The following LATS2 variants were observed in gnomAD, a reference collection of about 807,000 sequenced individuals.
LATS2 encodes the protein serine/threonine-protein kinase LATS2.
A neutral mutation model predicts 76.0 loss-of-function variants in LATS2; 24 were observed. The ratio of observed to expected loss-of-function variants is 0.32; its 90% CI spans 0.23 to 0.44. The LOEUF is 0.44. Ranked by LOEUF, LATS2 falls within the 20% of genes least tolerant of loss-of-function variation. The pLI is 1.00. For missense variants in LATS2, 1,286 were observed against 1,481.2 expected (o/e 0.87, Z 2.16); for synonymous variants, 692 against 635.4 (o/e 1.09, Z -1.34).
intron 4 of LATS2, 119 bp downstream of exon 4, chr13:20,987,762 A>T: frequency 8.4e-7 from 1 of 1,186,052 alleles, no homozygotes; most frequent in East Asian, 2.4e-5. Context: ...ACTGTCGCCC[A>T]TTAGCCGTTT....
intron 3 of LATS2, among the ~76,000 whole-genome samples, chr13:20,990,476 TTTTTTTTTTTTA>T (rs1278177965): frequency 1.5e-4 from 21 of 140,740 alleles, no homozygotes; most frequent in Non-Finnish European, 2.3e-4. Context: ...TTTTTTTTTT[TTTTTTTTTTTTA>T]AATACAGACG....
rs1405295617 is a variant in LATS2 at position 21,007,756 on chromosome 13, ATATATT to A, written c.343-16358_343-16353del. On this transcript the variant is annotated intron_variant, in intron 2 of 7. Transcript: ENST00000382592. ...ATATAGTATATATATATATATATAT[ATATATT>A]TTTTTTTTTTTTTTGAGATGGAGTC... 1.5e-3 allele frequency among the ~76,000 whole-genome samples: 9 copies of A among 5,950 alleles called. 1 individual carries two copies. Among genetic ancestry groups the A allele is most frequent in the African/African-American group, 5.1e-3 (9 of 1,774 alleles). 3.9% of individuals were successfully genotyped at this position (5,950 alleles called of 152,430 possible). A position where few individuals can be genotyped will look rare whatever the true frequency, so the allele number is the denominator to read the frequency against.
In LATS2 at chr13:20,989,194, A is replaced by G. The variant is rs1870394474; in HGVS notation, c.586T>C (p.Phe196Leu). ...LSGTPYEGPSFGADGPTALEE... is the reference protein window; with the variant it reads ...LSGTPYEGPSLGADGPTALEE... ...AGCGCCGTGGGGCCGTCAGCGCCGAAGCTTGGGCCCTCGTAGGGGGTACCG... is the reference window on the plus strand; with the variant it reads ...AGCGCCGTGGGGCCGTCAGCGCCGAGGCTTGGGCCCTCGTAGGGGGTACCG... Residue 196 changes from phenylalanine (F) to leucine (L), a missense_variant, in exon 4 of 8, where the codon TTC (phenylalanine) becomes CTC (leucine). Coordinates refer to ENST00000382592, the MANE Select transcript of LATS2 (RefSeq NM_014572.3). 6.2e-7 allele frequency: 1 copy of G among 1,613,522 alleles called. No individual in the cohort carries two copies. The highest frequency in any genetic ancestry group is 8.5e-7 in the Non-Finnish European group (1 of 1,179,982).
chr13:21,009,100 C>T (rs907283937), intron 2 of LATS2, among the ~76,000 whole-genome samples: 7 of 152,226 alleles, frequency 4.6e-5, no homozygotes, highest in African/African-American at 1.2e-4. Context: ...TGGGCCAGAA[C>T]TGAGTGCATA....
At chr13:21,007,561 A>ATATATATAG (rs1871323901) in intron 2 of LATS2, among the ~76,000 whole-genome samples, 1 of 17,296 alleles carries the variant, frequency 5.8e-5, no homozygotes, top group African/African-American at 7.0e-4. Context: ...ATATATATAT[A>ATATATATAG]TATATATATA....
At chr13:21,000,719 A>G (rs1871005082) in intron 2 of LATS2, among the ~76,000 whole-genome samples, 2 of 152,218 alleles carry the variant, frequency 1.3e-5, no homozygotes, top group Admixed American at 1.3e-4. Flanking sequence ...GCCAGAAATA[A>G]TACTTTCTAT....
chr13:21,048,829 C>T lies in LATS2; in HGVS notation c.-204-2599G>A, dbSNP rs181795349. ...TCCAGCCTGGGCAACAAGAGCGAAACTCCGTCTCAAAAAATAAAAAATAAA... is the reference window on the plus strand; with the variant it reads ...TCCAGCCTGGGCAACAAGAGCGAAATTCCGTCTCAAAAAATAAAAAATAAA... On this transcript the variant is annotated intron_variant, in intron 1 of 7. Coordinates refer to ENST00000382592, the MANE Select transcript of LATS2 (RefSeq NM_014572.3). Among the ~76,000 whole-genome samples the T allele has an allele frequency of 2.1e-3, 314 of 151,816 alleles. 1 individual carries two copies. The highest frequency in any genetic ancestry group is 7.2e-3 in the African/African-American group (296 of 41,362).
In LATS2 at chr13:20,988,943, C is replaced by A. The variant is rs755252753; in HGVS notation, c.837G>T (p.Thr279=). The A allele has an allele frequency of 6.5e-6, 10 of 1,530,028 alleles. No individual in the cohort carries two copies. Among genetic ancestry groups the A allele is most frequent in the Non-Finnish European group, 8.8e-6 (10 of 1,142,400 alleles). The allele number at this position is 1,530,028 out of a possible 1,614,324, so 94.8% of individuals were successfully genotyped here. ...TGGCGTAACCCCCGGTCTCCGGCGGCGTCTTGCTCTGGAAGGAGGGGCTGC... is the reference window on the plus strand; with the variant it reads ...TGGCGTAACCCCCGGTCTCCGGCGGAGTCTTGCTCTGGAAGGAGGGGCTGC... ...VQRSPSFQSK[T]PPETGGYASL... Residue 279 remains threonine, a synonymous_variant, in exon 4 of 8, where the codon ACG becomes ACT. Coordinates refer to ENST00000382592, the MANE Select transcript of LATS2 (RefSeq NM_014572.3).
intron 1 of LATS2, among the ~76,000 whole-genome samples, chr13:21,055,681 CACCAACCAAGGA>C (rs1565968170): frequency 6.6e-6 from 1 of 152,202 alleles, no homozygotes; most frequent in Non-Finnish European, 1.5e-5. Context: ...ACACATCAAG[CACCAACCAAGGA>C]ACCAACCAAA....
chr13:21,037,805 C>G (rs1445739099), intron 2 of LATS2, among the ~76,000 whole-genome samples: 2 of 145,516 alleles, frequency 1.4e-5, no homozygotes, highest in East Asian at 3.9e-4. Context: ...TGGGCAGGGC[C>G]AGGGTGGTCA....
intron 7 of LATS2, among the ~76,000 whole-genome samples, chr13:20,977,441 GAA>G (rs546980972): frequency 5.0e-4 from 75 of 151,418 alleles, no homozygotes; most frequent in African/African-American, 1.8e-3. Flanking sequence ...ACAGGAAGCA[GAA>G]GAGAGGCGAG....
At chr13:21,014,949 G>A (rs1376745703) in intron 2 of LATS2, among the ~76,000 whole-genome samples, 1 of 152,198 alleles carries the variant, frequency 6.6e-6, no homozygotes, top group Non-Finnish European at 1.5e-5. Flanking sequence ...TTTGTTGGCA[G>A]GTTGATGAGC....
intron 5 of LATS2, among the ~76,000 whole-genome samples, chr13:20,982,635 C>T (rs1002816018): frequency 6.6e-6 from 1 of 152,024 alleles, no homozygotes; most frequent in Non-Finnish European, 1.5e-5. Flanking sequence ...TTAAGGCTTG[C>T]TTTAATGAGG....
intron 2 of LATS2, among the ~76,000 whole-genome samples, chr13:21,028,096 C>G (rs1351530030): frequency 2.0e-5 from 3 of 151,940 alleles, no homozygotes; most frequent in African/African-American, 7.3e-5. Flanking sequence ...CACCCCACAA[C>G]AGTCCCCAGA....
intron 2 of LATS2, among the ~76,000 whole-genome samples, chr13:21,005,906 G>A (rs1871247818): frequency 6.6e-6 from 1 of 151,984 alleles, no homozygotes; most frequent in Admixed American, 6.6e-5. Flanking sequence ...CTGAGGTCAG[G>A]AGTTCAAGAC....
rs1870239824 is a variant in LATS2, at chr13:20,988,005, G to A, written c.1775C>T (p.Ser592Leu). 6 of 1,614,154 alleles carry A rather than the reference G, an allele frequency of 3.7e-6. No individual in the cohort carries two copies. Among genetic ancestry groups the A allele is most frequent in the African/African-American group, 1.3e-5 (1 of 74,956 alleles). Residue 592 changes from serine (S) to leucine (L), a missense_variant, in exon 4 of 8, where the codon TCA becomes TTA. Ser to Leu is a moderately radical substitution (Grantham distance 145, BLOSUM62 -2). This residue lies in a region of LATS2 where 710 missense variants were observed against 660.9 expected (regional missense o/e 1.07). Coordinates refer to ENST00000382592, the MANE Select transcript of LATS2 (RefSeq NM_014572.3). ...GTATGGCGAGTAGCTCTTGATGCGTGACTCTCTCTTCTCTTCGTCTCTGCT... is the reference window on the plus strand; with the variant it reads ...GTATGGCGAGTAGCTCTTGATGCGTAACTCTCTCTTCTCTTCGTCTCTGCT... ...KNSRDEEKRE[S>L]RIKSYSPYAF...
chr13:21,008,381 G>A (rs968088666), intron 2 of LATS2, among the ~76,000 whole-genome samples: 2 of 152,012 alleles, frequency 1.3e-5, no homozygotes, highest in African/African-American at 4.8e-5. Context: ...CCGCTGGGTG[G>A]TGTTGTTAGA....
intron 1 of LATS2, among the ~76,000 whole-genome samples, chr13:21,053,452 T>C (rs558527530): frequency 2.6e-5 from 4 of 152,050 alleles, no homozygotes; most frequent in South Asian, 2.1e-4. Flanking sequence ...GGCAGGAGCA[T>C]CCTGTTTGGT....
At chr13:21,061,004 G>A (rs185883672) in intron 1 of LATS2, among the ~76,000 whole-genome samples, 13,407 of 151,442 alleles carry the variant, frequency 0.089, 2,017 homozygotes, top group African/African-American at 0.31. Flanking sequence ...TGCCCCGCCG[G>A]GATCCCGGCC....
Sources: allele counts gnomAD v4.1 joint callset (sites outside exome capture counted in the v4.1 genomes callset), GRCh38; gene constraint gnomAD v4.1.1; regional missense constraint gnomAD v4.1.1; transcripts MANE v1.5; gene names NCBI Gene and HGNC (gene_info 2026-07-23, HGNC 2026-07-21).